GLI2: variants seen among roughly 807,000 people sequenced by gnomAD.
The protein encoded by GLI2 is transcription activator GLI2.
GLI2 carries 22 observed loss-of-function variants against 78.9 expected under a neutral mutation model. The observed-to-expected ratio is 0.28, with a 90% CI of 0.20 to 0.40. The LOEUF is 0.40. Ranked by LOEUF, GLI2 falls within the 10% of genes least tolerant of loss-of-function variation. The pLI is 1.00. For missense variants in GLI2, 2,097 were observed against 2,213.2 expected, an observed-to-expected ratio of 0.95 and a Z score of 1.05; for synonymous variants, 974 against 963.7, an observed-to-expected ratio of 1.01 and a Z score of -0.20.
rs141989979 is a variant in GLI2, at chr2:120,980,019, C to T, written c.1467+1436C>T. On this transcript the variant is annotated intron_variant, in intron 10 of 13. Transcript: ENST00000361492. ...CATAATACTCCATTGTATGGATAGA[C>T]CATGTTTTGTTTATGCATTCATCAG... 7.9e-5 allele frequency among the ~76,000 whole-genome samples: 12 copies of T among 152,322 alleles called. No individual in the cohort carries two copies. The East Asian group carries it at 2.3e-3, about 29-fold the overall frequency.
Position 120,986,488 on chromosome 2 carries a change from A to G in GLI2, c.2116A>G (p.Met706Val). The G allele has an allele frequency of 1.2e-6, 2 of 1,614,036 alleles. No individual in the cohort carries two copies. Among genetic ancestry groups the G allele is most frequent in the Non-Finnish European group, 8.5e-7 (1 of 1,180,006 alleles). The change falls in exon 13 of 14, where the codon ATG (methionine) becomes GTG (valine). Residue 706 changes from methionine (M) to valine (V), a missense_variant. Met to Val is a conservative substitution (Grantham distance 21). Around this residue, in one of 5 missense-constraint regions of GLI2, gnomAD observed 1,290 missense variants for 1,261.7 expected, o/e 1.02. Coordinates refer to ENST00000361492, the MANE Select transcript of GLI2 (RefSeq NM_001374353.1). Reference protein sequence around the residue: ...SAGGLQLRKHMTTMHRFEQLK... With the variant: ...SAGGLQLRKHVTTMHRFEQLK... ...TGGTGGCCTCCAGCTGCGCAAACACATGACCACCATGCACCGGTTCGAGCA... is the reference window on the plus strand; with the variant it reads ...TGGTGGCCTCCAGCTGCGCAAACACGTGACCACCATGCACCGGTTCGAGCA...
intron 1 of GLI2, among the ~76,000 whole-genome samples, chr2:120,781,201 G>C (rs13401029): frequency 0.036 from 5,548 of 152,302 alleles, 309 homozygotes; most frequent in African/African-American, 0.12. Context: ...TGGTCCTGCT[G>C]CACCCTCACT....
chr2:120,891,077 C>T (rs1013865609), intron 2 of GLI2, among the ~76,000 whole-genome samples: 8 of 152,166 alleles, frequency 5.3e-5, no homozygotes, highest in African/African-American at 1.9e-4. Context: ...ACGTGGAGCC[C>T]ACAGAAATGA....
At chr2:120,858,965 T>C (rs1305956682) in intron 2 of GLI2, among the ~76,000 whole-genome samples, 1 of 152,212 alleles carries the variant, frequency 6.6e-6, no homozygotes, top group Non-Finnish European at 1.5e-5. Context: ...GACCGGAGCG[T>C]TCTTGCCCTG....
chr2:120,917,552 G>C (rs1455029091), intron 2 of GLI2, among the ~76,000 whole-genome samples: 1 of 152,236 alleles, frequency 6.6e-6, no homozygotes, highest in Admixed American at 6.5e-5. Context: ...CCCCTTTCCT[G>C]GAGGGAAGTA....
In GLI2 at chr2:120,990,512, T is replaced by C. The variant is rs202078730; in HGVS notation, c.4547T>C (p.Leu1516Pro). Reference sequence around the variant, plus strand: ...TTCTCGGGTGCTCTGAGCCCCAGCCTCCTCCACAGCCTCTCCCAGAACTCC... The same window carrying C: ...TTCTCGGGTGCTCTGAGCCCCAGCCCCCTCCACAGCCTCTCCCAGAACTCC... ...SLFSGALSPS[L>P]LHSLSQNSSR... Residue 1516 changes from leucine (L) to proline (P), a missense_variant, in exon 14 of 14, where the codon CTC becomes CCC. Leu to Pro is a moderately conservative substitution (Grantham distance 98, BLOSUM62 -3). Around this residue, in one of 5 missense-constraint regions of GLI2, gnomAD observed 1,290 missense variants for 1,261.7 expected, o/e 1.02. Coordinates refer to ENST00000361492, the MANE Select transcript of GLI2 (RefSeq NM_001374353.1). 1.2e-6 allele frequency: 2 copies of C among 1,613,836 alleles called. No individual in the cohort carries two copies. The highest frequency in any genetic ancestry group is 2.7e-5 in the African/African-American group (2 of 74,944).
intron 2 of GLI2, among the ~76,000 whole-genome samples, chr2:120,843,531 C>T (rs1039017812): frequency 2.0e-5 from 3 of 152,210 alleles, no homozygotes; most frequent in Non-Finnish European, 4.4e-5. Flanking sequence ...CCTGTTTCTT[C>T]CATGAAAATA....
At chr2:120,889,780 A>G (rs527263470) in intron 2 of GLI2, among the ~76,000 whole-genome samples, 3 of 152,344 alleles carry the variant, frequency 2.0e-5, no homozygotes, top group South Asian at 4.1e-4. Flanking sequence ...TGAGCGAGGT[A>G]TTATACACAC....
chr2:120,978,672 C>T (rs1682577507), intron 10 of GLI2, 89 bp downstream of exon 10: 2 of 1,413,496 alleles, frequency 1.4e-6, no homozygotes, highest in South Asian at 1.2e-5. Context: ...TGGCTGGCCA[C>T]AGGCACACCT....
At position 120,791,086 on chromosome 2, in the gene GLI2, C is replaced by T. The variant is rs544529533; in HGVS notation, c.-30-6205C>T. Among the ~76,000 whole-genome samples the T allele has an allele frequency of 5.3e-5, 8 of 152,276 alleles. No individual in the cohort carries two copies. The South Asian group carries it at 8.3e-4, about 16-fold the overall frequency. On this transcript the variant is annotated intron_variant, in intron 1 of 13. Coordinates refer to ENST00000361492, the MANE Select transcript of GLI2 (RefSeq NM_001374353.1). Reference sequence around the variant, plus strand: ...CATGGCCACAGACACACAGTGGATGCAGACTATGCTGGTCCAGGCACACAT... The same window carrying T: ...CATGGCCACAGACACACAGTGGATGTAGACTATGCTGGTCCAGGCACACAT...
intron 5 of GLI2, among the ~76,000 whole-genome samples, chr2:120,956,397 C>A (rs1681264301): frequency 6.6e-6 from 1 of 151,974 alleles, no homozygotes; most frequent in African/African-American, 2.4e-5. Flanking sequence ...GAAGTCCTTC[C>A]CACCCTCCAA....
rs910578482 is a variant in GLI2 at position 120,836,989 on chromosome 2, T to C, written c.148+39521T>C. Among the ~76,000 whole-genome samples, 5 of 152,242 alleles carry C rather than the reference T, an allele frequency of 3.3e-5. No homozygotes were observed. The East Asian group carries it at 9.6e-4, about 29-fold the overall frequency. On this transcript the variant is annotated intron_variant, in intron 2 of 13. Transcript: ENST00000361492. ...TTGCATTCTGCTCTTTTGCAACGTA[T>C]TGGACGTTTGGGCTGCTTCTCCCTG...
Position 120,992,039 on chromosome 2 carries a change from CA to C in GLI2, c.*1365del, listed in dbSNP as rs1465244436. Reference sequence around the variant, plus strand: ...ACACACACACACACACACACACACACACACACACACACCCCAAACCTTTTCA... The same window carrying C: ...ACACACACACACACACACACACACACCACACACACACCCCAAACCTTTTCA... On this transcript the variant is annotated 3_prime_UTR_variant, in exon 14 of 14. Transcript: ENST00000361492. 3 of 153,394 alleles carry C rather than the reference CA, an allele frequency of 2.0e-5. No homozygotes were observed. The highest frequency in any genetic ancestry group is 7.4e-5 in the African/African-American group (3 of 40,682). The allele number at this position is 153,394 out of a possible 1,614,324, so 9.5% of individuals were successfully genotyped here.
chr2:120,775,962 C>T (rs985173531), intron 1 of GLI2, among the ~76,000 whole-genome samples: 3 of 152,372 alleles, frequency 2.0e-5, no homozygotes. Flanking sequence ...CCTCCTCTAA[C>T]GCTCTCGCCC....
At chr2:120,866,327 C>A (rs1573503935) in intron 2 of GLI2, 1 of 152,490 alleles carries the variant, frequency 6.6e-6, no homozygotes, top group Non-Finnish European at 1.5e-5. Context: ...GAGTGCCCCC[C>A]TCCTGGTCAG....
At position 120,780,517 on chromosome 2, in the gene GLI2, T is replaced by C. The variant is rs1683812864; in HGVS notation, c.-30-16774T>C. On this transcript the variant is annotated intron_variant, in intron 1 of 13. Coordinates refer to ENST00000361492, the MANE Select transcript of GLI2 (RefSeq NM_001374353.1). ...GGAGTTTTTCCAGCAGCGTGGGGTG[T>C]GTCGTTTGCTCCCCTTCCCAGCAGG... is the stretch of plus-strand genomic sequence containing the variant. Among the ~76,000 whole-genome samples, 3 of 152,144 alleles carry C rather than the reference T, an allele frequency of 2.0e-5. No individual in the cohort carries two copies. The South Asian group carries it at 6.2e-4, about 32-fold the overall frequency.
intron 2 of GLI2, among the ~76,000 whole-genome samples, chr2:120,806,438 G>T (rs1014912155): frequency 7.2e-5 from 11 of 152,166 alleles, no homozygotes; most frequent in Non-Finnish European, 1.6e-4. Flanking sequence ...TGCCCATAGG[G>T]CTTCACGGGG....
chr2:120,944,535 C>A (rs1276490413), intron 3 of GLI2, among the ~76,000 whole-genome samples: 1 of 152,232 alleles, frequency 6.6e-6, no homozygotes, highest in African/African-American at 2.4e-5. Context: ...TGCACTGCCC[C>A]AGAGTCACCT....
chr2:120,793,934 C>T (rs1030420239), intron 1 of GLI2, among the ~76,000 whole-genome samples: 1 of 152,160 alleles, frequency 6.6e-6, no homozygotes, highest in African/African-American at 2.4e-5. Flanking sequence ...CAGCTTCCTC[C>T]CCTATAAGAA....
Sources: allele counts gnomAD v4.1 joint callset (sites outside exome capture counted in the v4.1 genomes callset), GRCh38; gene constraint gnomAD v4.1.1; regional missense constraint gnomAD v4.1.1; transcripts MANE v1.5; gene names NCBI Gene and HGNC (gene_info 2026-07-23, HGNC 2026-07-21).